Variants in TBL1X observed in about 807,000 individuals in gnomAD.
The protein encoded by TBL1X is F-box-like/WD repeat-containing protein TBL1X.
Under a neutral mutation model 50.7 loss-of-function variants are expected in TBL1X, and 10 were observed. The ratio of observed to expected loss-of-function variants is 0.20; its 90% CI spans 0.12 to 0.33. The LOEUF (loss-of-function observed/expected upper bound fraction) is 0.33, where lower values mean the gene tolerates loss of function less well. TBL1X is among the 10% of genes least tolerant of loss of function. The pLI, the probability that TBL1X is intolerant of heterozygous loss-of-function variation, is 1.00. For missense variants in TBL1X, 340 were observed against 504.4 expected (o/e 0.67, Z 3.12); for synonymous variants, 190 against 214.7 (o/e 0.88, Z 1.01).
At chrX:9,584,489 C>T (rs763758144) in intron 2 of TBL1X, among the ~76,000 whole-genome samples, 1 of 112,129 alleles carries the variant, frequency 8.9e-6, no homozygotes, top group African/African-American at 3.2e-5. Context: ...GCTATATGGG[C>T]TGGTCTAGGT....
chrX:9,694,028 G>A (rs775281121), intron 11 of TBL1X, among the ~76,000 whole-genome samples: 1 of 110,633 alleles, frequency 9.0e-6, no homozygotes, highest in East Asian at 2.8e-4. Flanking sequence ...AGGGCAAAGA[G>A]TAAGGGGACG....
chrX:9,617,368 A>C (rs777351763), intron 2 of TBL1X, among the ~76,000 whole-genome samples: 1 of 111,814 alleles, frequency 8.9e-6, no homozygotes, highest in African/African-American at 3.3e-5. Context: ...TGAGAGTAGA[A>C]GGTCAGGTTC....
chrX:9,481,273 G>A (rs962634561), intron 1 of TBL1X, among the ~76,000 whole-genome samples: 4 of 112,132 alleles, frequency 3.6e-5, no homozygotes, highest in East Asian at 5.6e-4. Context: ...ATGGAAGACC[G>A]AAATAAACTT....
chrX:9,681,505 G>A (rs1049914669), intron 5 of TBL1X, among the ~76,000 whole-genome samples: 4 of 112,513 alleles, frequency 3.6e-5, no homozygotes, highest in Non-Finnish European at 7.5e-5. Context: ...GAGTGCCCAG[G>A]TTTGGTTGAA....
chrX:9,541,866 A>T lies in TBL1X; in HGVS notation c.-131+40017A>T, dbSNP rs1413891895. ...ACTAATTTTCTTAAAGTTGACAACG[A>T]TCACAAACTTCATGGTCTGGGAAAA... On this transcript the variant is annotated intron_variant, in intron 2 of 17. Coordinates refer to ENST00000645353, the MANE Select transcript of TBL1X (RefSeq NM_005647.4). Among the ~76,000 whole-genome samples, 11 of 111,310 alleles carry T rather than the reference A, an allele frequency of 9.9e-5. No homozygotes were observed. In the Admixed American group the frequency reaches 1.0e-3, roughly 11 times the overall value.
chrX:9,478,551 A>ATG (rs1260821253), intron 1 of TBL1X, among the ~76,000 whole-genome samples: 1 of 111,883 alleles, frequency 8.9e-6, no homozygotes, highest in African/African-American at 3.2e-5. Flanking sequence ...TACGGTTTAA[A>ATG]TGATAATAGG....
chrX:9,634,220 G>A (rs918854976), intron 2 of TBL1X, among the ~76,000 whole-genome samples: 1 of 110,536 alleles, frequency 9.0e-6, no homozygotes, highest in African/African-American at 3.3e-5. Context: ...CCCTGGAGTC[G>A]GACTGCAAGC....
chrX:9,527,183 G>A (rs1174563375), intron 2 of TBL1X, among the ~76,000 whole-genome samples: 1 of 112,027 alleles, frequency 8.9e-6, no homozygotes, highest in African/African-American at 3.3e-5. Flanking sequence ...GAGAGGGGGC[G>A]CAGTGTGAGG....
At chrX:9,545,522 G>A (rs2082237848) in intron 2 of TBL1X, among the ~76,000 whole-genome samples, 2 of 107,194 alleles carry the variant, frequency 1.9e-5, no homozygotes, top group South Asian at 8.3e-4. Context: ...TCCATCCTGG[G>A]TGACAAAGCA....
intron 2 of TBL1X, among the ~76,000 whole-genome samples, chrX:9,591,257 T>C (rs2285574): frequency 0.34 from 37,943 of 110,561 alleles, 4,834 homozygotes; most frequent in East Asian, 0.68. Context: ...CTCAGCACAG[T>C]GCCTGTCCCC....
intron 2 of TBL1X, among the ~76,000 whole-genome samples, chrX:9,553,785 AT>A (rs1374834329): frequency 1.8e-5 from 2 of 112,469 alleles, no homozygotes; most frequent in African/African-American, 3.2e-5. Flanking sequence ...GTACAAAATT[AT>A]GTTTTTATAA....
chrX:9,674,515 G>T (rs1456988034), intron 5 of TBL1X, among the ~76,000 whole-genome samples: 3 of 111,110 alleles, frequency 2.7e-5, no homozygotes, highest in African/African-American at 9.8e-5. Context: ...ACCCACCTTC[G>T]CCTCCAAAAA....
At chrX:9,592,961 A>AG (rs3831659) in intron 2 of TBL1X, among the ~76,000 whole-genome samples, 2 of 56,757 alleles carry the variant, frequency 3.5e-5, no homozygotes, top group Non-Finnish European at 6.8e-5. Flanking sequence ...CATGGGAAAT[A>AG]TATTTCTTCT....
chrX:9,715,158 A>G (rs928440230), intron 17 of TBL1X, among the ~76,000 whole-genome samples, 155 bp downstream of exon 17: 1 of 111,779 alleles, frequency 8.9e-6, no homozygotes, highest in Non-Finnish European at 1.9e-5. Context: ...TTGGTACCAC[A>G]TCTGGGAATG....
chrX:9,603,245 G>T (rs1359789271), intron 2 of TBL1X, among the ~76,000 whole-genome samples: 1 of 112,095 alleles, frequency 8.9e-6, no homozygotes, highest in Non-Finnish European at 1.9e-5. Context: ...CAGGTCCCTC[G>T]GGTCCAGGCT....
chrX:9,601,341 C>T (rs1450167709), intron 2 of TBL1X, among the ~76,000 whole-genome samples: 1 of 110,866 alleles, frequency 9.0e-6, no homozygotes, highest in Non-Finnish European at 1.9e-5. Flanking sequence ...AGGACACACT[C>T]CCTGGGCTAG....
chrX:9,616,607 G>A (rs949004217), intron 2 of TBL1X, among the ~76,000 whole-genome samples: 1 of 112,097 alleles, frequency 8.9e-6, no homozygotes, highest in African/African-American at 3.2e-5. Flanking sequence ...TTAATAAGAA[G>A]TCCCTGATTT....
intron 2 of TBL1X, among the ~76,000 whole-genome samples, chrX:9,550,430 A>G (rs1363349575): frequency 1.8e-5 from 2 of 112,458 alleles, no homozygotes; most frequent in African/African-American, 6.5e-5. Context: ...ATGGGGCTTA[A>G]TACAATACAG....
rs1342721761 is a variant in TBL1X at position 9,486,888 on chromosome X, T to G, written c.-200-14892T>G. 6.3e-5 allele frequency among the ~76,000 whole-genome samples: 7 copies of G among 111,718 alleles called. No homozygotes were observed. The East Asian group carries it at 2.0e-3, about 32-fold the overall frequency. ...TGTTGCAAAAGCATCTTCTTGAATT[T>G]GATAATAAAGCCCTACTCTTCCAGT... On this transcript the variant is annotated intron_variant, in intron 1 of 17. Transcript: ENST00000645353.
Sources: allele counts gnomAD v4.1 joint callset (sites outside exome capture counted in the v4.1 genomes callset), GRCh38; gene constraint gnomAD v4.1.1; transcripts MANE v1.5; gene names NCBI Gene and HGNC (gene_info 2026-07-23, HGNC 2026-07-21).